SORCS2: variants seen among roughly 807,000 people sequenced by gnomAD.
The protein encoded by SORCS2 is sortilin related VPS10 domain containing receptor 2.
Under a neutral mutation model 141.6 loss-of-function variants are expected in SORCS2, and 100 were observed. The ratio of observed to expected loss-of-function variants is 0.71; its 90% CI spans 0.60 to 0.83. The LOEUF (loss-of-function observed/expected upper bound fraction) is 0.83, where lower values mean the gene tolerates loss of function less well. SORCS2 is among the 40% of genes least tolerant of loss of function. The pLI, the probability that SORCS2 is intolerant of heterozygous loss-of-function variation, is 0.00. For synonymous variants in SORCS2, 789 were observed against 676.9 expected (o/e 1.17, Z -2.57); for missense variants, 1,646 against 1,560.2 (o/e 1.05, Z -0.93).
chr4:7,557,547 CTG>C (rs1304304872), intron 3 of SORCS2, among the ~76,000 whole-genome samples: 1 of 152,202 alleles, frequency 6.6e-6, no homozygotes, highest in African/African-American at 2.4e-5. Context: ...ACTATGGAGA[CTG>C]AGAATTGGAT....
intron 1 of SORCS2, among the ~76,000 whole-genome samples, chr4:7,229,000 G>T (rs1711611964): frequency 6.6e-6 from 1 of 152,216 alleles, no homozygotes; most frequent in Admixed American, 6.5e-5. Flanking sequence ...CTTGCGTGAG[G>T]CCTGCCGCGC....
intron 2 of SORCS2, among the ~76,000 whole-genome samples, chr4:7,429,980 C>T (rs1467379331): frequency 2.0e-5 from 3 of 152,186 alleles, no homozygotes; most frequent in Non-Finnish European, 2.9e-5. Flanking sequence ...AACCCCCGTC[C>T]GGTGCACAGG....
chr4:7,217,106 C>A (rs557516467), intron 1 of SORCS2, among the ~76,000 whole-genome samples: 1 of 152,194 alleles, frequency 6.6e-6, no homozygotes, highest in Non-Finnish European at 1.5e-5. Flanking sequence ...CGGCCCTGCT[C>A]CATGGGGCTC....
intron 23 of SORCS2, among the ~76,000 whole-genome samples, chr4:7,732,116 A>G (rs12233824): frequency 0.53 from 81,125 of 152,044 alleles, 21,925 homozygotes; most frequent in Admixed American, 0.61. Flanking sequence ...AGGTGACTCG[A>G]TTAAAAAACG....
At chr4:7,674,012 G>C (rs1488262684) in intron 8 of SORCS2, among the ~76,000 whole-genome samples, 1 of 152,220 alleles carries the variant, frequency 6.6e-6, no homozygotes, top group Non-Finnish European at 1.5e-5. Context: ...GCTGAGCAGG[G>C]AGGAAGGGGG....
intron 1 of SORCS2, among the ~76,000 whole-genome samples, chr4:7,205,173 G>A (rs1377431468): frequency 2.0e-5 from 3 of 152,184 alleles, no homozygotes; most frequent in Admixed American, 6.5e-5. Flanking sequence ...CAGCTATGAC[G>A]TCAGGCGGCT....
intron 2 of SORCS2, among the ~76,000 whole-genome samples, chr4:7,488,187 C>T (rs1055045523): frequency 3.3e-5 from 5 of 152,224 alleles, no homozygotes; most frequent in African/African-American, 4.8e-5. Flanking sequence ...GCCAGGCTCC[C>T]GTGGGCCGGC....
At chr4:7,472,825 G>T (rs1730059130) in intron 2 of SORCS2, among the ~76,000 whole-genome samples, 1 of 152,120 alleles carries the variant, frequency 6.6e-6, no homozygotes, top group African/African-American at 2.4e-5. Flanking sequence ...GGTTTGATTG[G>T]GGCGAGGGCG....
chr4:7,237,177 T>A (rs1712343203), intron 1 of SORCS2, among the ~76,000 whole-genome samples: 1 of 152,202 alleles, frequency 6.6e-6, no homozygotes, highest in South Asian at 2.1e-4. Flanking sequence ...ACATGGGCAA[T>A]TTTCATCTTC....
intron 2 of SORCS2, among the ~76,000 whole-genome samples, chr4:7,427,990 G>A (rs927146066): frequency 2.0e-5 from 3 of 152,140 alleles, no homozygotes; most frequent in African/African-American, 7.2e-5. Flanking sequence ...GGCAGGAACA[G>A]GTTCGCTCAC....
intron 2 of SORCS2, among the ~76,000 whole-genome samples, chr4:7,473,137 G>C (rs16840339): frequency 0.15 from 22,246 of 152,188 alleles, 2,285 homozygotes; most frequent in African/African-American, 0.27. Context: ...TTCTTAGGAA[G>C]ACAAATGCTA....
At chr4:7,689,113 C>G (rs373007271) in intron 10 of SORCS2, among the ~76,000 whole-genome samples, 1 of 152,082 alleles carries the variant, frequency 6.6e-6, no homozygotes, top group Non-Finnish European at 1.5e-5. Context: ...GGCTCTTGAC[C>G]GATGCCCAAG....
intron 3 of SORCS2, among the ~76,000 whole-genome samples, chr4:7,603,904 C>A (rs190449782): frequency 6.6e-6 from 1 of 151,940 alleles, no homozygotes; most frequent in African/African-American, 2.4e-5. Flanking sequence ...AAGGCTGCCT[C>A]GAGTTTACAC....
At chr4:7,504,133 C>A (rs982168966) in intron 2 of SORCS2, among the ~76,000 whole-genome samples, 1 of 152,232 alleles carries the variant, frequency 6.6e-6, no homozygotes, top group Non-Finnish European at 1.5e-5. Context: ...TGTCGCAGCT[C>A]ACAGCTGCGC....
rs369122517 is a variant in SORCS2, at chr4:7,328,054, C to T, written c.481-68234C>T. Among the ~76,000 whole-genome samples, 82 of 118,144 alleles carry T rather than the reference C, an allele frequency of 6.9e-4. 1 individual carries two copies. The South Asian group carries it at 0.024, about 35-fold the overall frequency. 77.5% of individuals were successfully genotyped at this position (118,144 alleles called of 152,430 possible). On this transcript the variant is annotated intron_variant, in intron 1 of 26. Transcript: ENST00000507866. ...TTTTTTTTTTTTTTTGAGACCAAGT[C>T]TTGCTCTATCACCCAGGCTGGAGTG...
chr4:7,444,232 A>G lies in SORCS2; in HGVS notation c.548+47877A>G, dbSNP rs140549688. ...CTGGGAATATTTGAGTTAACAAAAC[A>G]GACAGAAACCCTGTACTCTTGGAAC... is the stretch of plus-strand genomic sequence containing the variant. On this transcript the variant is annotated intron_variant, in intron 2 of 26. Coordinates refer to ENST00000507866, the MANE Select transcript of SORCS2 (RefSeq NM_020777.3). Among the ~76,000 whole-genome samples the G allele has an allele frequency of 1.0e-3, 157 of 152,348 alleles. 2 individuals carry two copies. The highest frequency in any genetic ancestry group is 3.7e-3 in the African/African-American group (152 of 41,578).
At chr4:7,213,269 G>GC (rs146201327) in intron 1 of SORCS2, among the ~76,000 whole-genome samples, 53,382 of 152,120 alleles carry the variant, frequency 0.35, 10,068 homozygotes, top group East Asian at 0.54. Flanking sequence ...TAGTCACTGT[G>GC]CCCATGGAGC....
At chr4:7,368,333 G>A (rs1042310403) in intron 1 of SORCS2, among the ~76,000 whole-genome samples, 1 of 152,196 alleles carries the variant, frequency 6.6e-6, no homozygotes, top group Non-Finnish European at 1.5e-5. Flanking sequence ...TAATAAAGCC[G>A]GAGAGAAGGG....
At chr4:7,238,296 G>T (rs909038202) in intron 1 of SORCS2, among the ~76,000 whole-genome samples, 12 of 152,066 alleles carry the variant, frequency 7.9e-5, no homozygotes, top group Non-Finnish European at 1.5e-4. Context: ...AGTCTGGGGG[G>T]GGTTGCTGGT....
Sources: allele counts gnomAD v4.1 joint callset (sites outside exome capture counted in the v4.1 genomes callset), GRCh38; gene constraint gnomAD v4.1.1; transcripts MANE v1.5; gene names NCBI Gene and HGNC (gene_info 2026-07-23, HGNC 2026-07-21).